NCBP3: variants seen among roughly 807,000 people sequenced by gnomAD.
NCBP3 encodes the protein nuclear cap binding subunit 3.
NCBP3 carries 20 observed loss-of-function variants against 75.7 expected under a neutral mutation model. That is an observed-to-expected ratio of 0.26 (90% CI 0.19 to 0.38). NCBP3 has a LOEUF of 0.38. Among genes scored for constraint, NCBP3 ranks in the 10% least tolerant of loss-of-function variants. The pLI is 1.00. For synonymous variants in NCBP3, 293 were observed against 290.5 expected (o/e 1.01, Z -0.09); for missense variants, 678 against 796.9 (o/e 0.85, Z 1.80).
At position 3,826,082 on chromosome 17, in the gene NCBP3, G is replaced by C; in HGVS notation, c.610+5C>G. ...AGACCCCAGTTCCCTCCTTTGTGTTGTTACCTTTTTTCCTTTTCTCAGCTG... is the reference window on the plus strand; with the variant it reads ...AGACCCCAGTTCCCTCCTTTGTGTTCTTACCTTTTTTCCTTTTCTCAGCTG... On this transcript the variant is annotated splice_donor_5th_base_variant and intron_variant, in intron 5 of 12. Transcript: ENST00000389005. 6.4e-7 allele frequency: 1 copy of C among 1,550,648 alleles called. No individual in the cohort carries two copies. Among genetic ancestry groups the C allele is most frequent in the Non-Finnish European group, 8.7e-7 (1 of 1,146,534 alleles).
Position 3,846,119 on chromosome 17 carries a change from G to A in NCBP3, c.105C>T (p.Gly35=), listed in dbSNP as rs1417629845. ...CCTCCACCTCCATGGGCTCCGGCTC[G>A]CCACGGTCAACACCGGACTCCGCCT... ...SPEAESGVDR[G]EPEPMEVEEG... The change falls in exon 1 of 13, where the codon GGC becomes GGT. Residue 35 remains glycine (G), a synonymous_variant. Coordinates refer to ENST00000389005, the MANE Select transcript of NCBP3 (RefSeq NM_001114118.3). This position sits in a 1 kb window ranked among gnomAD's most constrained non-coding sequence, Gnocchi z 4.6. The A allele has an allele frequency of 6.5e-7, 1 of 1,547,968 alleles. No homozygotes were observed. The highest frequency in any genetic ancestry group is 8.7e-7 in the Non-Finnish European group (1 of 1,145,594).
chr17:3,832,443 ACACG>A (rs2053897313), intron 3 of NCBP3, among the ~76,000 whole-genome samples: 1 of 118,108 alleles, frequency 8.5e-6, no homozygotes, highest in Non-Finnish European at 2.0e-5. Flanking sequence ...ATCCTGGCCA[ACACG>A]GTGAAACCCC....
At chr17:3,845,507 G>A (rs556132280) in intron 1 of NCBP3, among the ~76,000 whole-genome samples, 2 of 152,106 alleles carry the variant, frequency 1.3e-5, no homozygotes, top group African/African-American at 2.4e-5. Context: ...GGAGCTGCGG[G>A]GGGGGCAAGA....
At chr17:3,815,979 G>T in intron 11 of NCBP3, 137 bp downstream of exon 11, 1 of 706,596 alleles carries the variant, frequency 1.4e-6, no homozygotes, top group Non-Finnish European at 2.2e-6. Flanking sequence ...CCAACACCTA[G>T]CCCACAATTT....
chr17:3,814,494 A>C lies in NCBP3; in HGVS notation c.1466-11T>G. On this transcript the variant is annotated splice_polypyrimidine_tract_variant and intron_variant, in intron 11 of 12. Transcript: ENST00000389005. ...ACCGCTGGCGTATATCTGAAAAAAG[A>C]GAAAAAGTGCACCAGTGACCGTGTG... 6.2e-7 allele frequency: 1 copy of C among 1,613,778 alleles called. No individual in the cohort carries two copies. Among genetic ancestry groups the C allele is most frequent in the Non-Finnish European group, 8.5e-7 (1 of 1,179,926 alleles).
chr17:3,814,718 G>C (rs2053496434), intron 11 of NCBP3, among the ~76,000 whole-genome samples: 1 of 151,476 alleles, frequency 6.6e-6, no homozygotes. Context: ...CTATATTTCT[G>C]AAGAAACAAC....
Position 3,816,211 on chromosome 17 carries a change from T to C in NCBP3, c.1370A>G (p.Lys457Arg). The change falls in exon 11 of 13, where the codon AAA (lysine) becomes AGA (arginine). Residue 457 changes from lysine (K) to arginine (R), a missense_variant. Transcript: ENST00000389005. Reference sequence around the variant, plus strand: ...ATCTGCAAATTTCTCAGGTGGTAATTTGTTACCAATTCGGTTTTTGATATT... The same window carrying C: ...ATCTGCAAATTTCTCAGGTGGTAATCTGTTACCAATTCGGTTTTTGATATT... ...SSNIKNRIGN[K>R]LPPEKFADVR... is the part of the protein sequence containing the mutation. The C allele has an allele frequency of 6.2e-7, 1 of 1,614,118 alleles. No individual in the cohort carries two copies. Among genetic ancestry groups the C allele is most frequent in the South Asian group, 1.1e-5 (1 of 91,086 alleles).
intron 3 of NCBP3, among the ~76,000 whole-genome samples, chr17:3,837,717 G>C (rs2053998985): frequency 6.9e-6 from 1 of 145,976 alleles, no homozygotes; most frequent in Non-Finnish European, 1.5e-5. Flanking sequence ...CTGGGTGACA[G>C]AGCAAGCCTC....
chr17:3,826,047 G>A (rs2053777577), intron 5 of NCBP3, 40 bp downstream of exon 5: 2 of 1,538,934 alleles, frequency 1.3e-6, no homozygotes, highest in Non-Finnish European at 1.8e-6. Context: ...GTGTAAAGAA[G>A]AGGACTTTCA....
chr17:3,807,125 G>A lies in NCBP3; in HGVS notation c.*5919C>T, dbSNP rs1452120137. 6.6e-6 allele frequency: 1 copy of A among 152,238 alleles called. No individual in the cohort carries two copies. Among genetic ancestry groups the A allele is most frequent in the Non-Finnish European group, 1.5e-5 (1 of 68,050 alleles). The allele number at this position is 152,238 out of a possible 1,614,324, so 9.4% of individuals were successfully genotyped here. A position where few individuals can be genotyped will look rare whatever the true frequency, so the allele number is the denominator to read the frequency against. On this transcript the variant is annotated 3_prime_UTR_variant, in exon 13 of 13. Coordinates refer to ENST00000389005, the MANE Select transcript of NCBP3 (RefSeq NM_001114118.3). ...TGCTTTAGGCAAAAGAGCCACTGGA[G>A]GAATGAGCTCTGCTCTTTTCACCTG...
rs2053366610 is a variant in NCBP3 at position 3,808,947 on chromosome 17, A to G, written c.*4097T>C. 6.6e-6 allele frequency: 1 copy of G among 152,094 alleles called. No individual in the cohort carries two copies. The highest frequency in any genetic ancestry group is 2.4e-5 in the African/African-American group (1 of 41,396). 9.4% of individuals were successfully genotyped at this position (152,094 alleles called of 1,614,324 possible). On this transcript the variant is annotated 3_prime_UTR_variant, in exon 13 of 13. Coordinates refer to ENST00000389005, the MANE Select transcript of NCBP3 (RefSeq NM_001114118.3). The stretch of plus-strand genomic sequence containing the variant: ...AGAAAGTTCATCCTGAAGCATGTGA[A>G]AAGGTGCCCGACATCATTAGTCATT...
intron 12 of NCBP3, 105 bp from the exon 13 acceptor site, chr17:3,813,384 G>A: frequency 7.3e-7 from 1 of 1,376,748 alleles, no homozygotes; most frequent in Non-Finnish European, 9.9e-7. Context: ...GGAAACGCCA[G>A]CAGTCTGTGG....
chr17:3,821,824 A>G (rs948163312), intron 8 of NCBP3, 129 bp downstream of exon 8: 3 of 668,798 alleles, frequency 4.5e-6, no homozygotes, highest in African/African-American at 3.6e-5. Flanking sequence ...TACCACATCT[A>G]AGAATCTTGA....
chr17:3,814,432 C>A lies in NCBP3; in HGVS notation c.1517G>T (p.Ser506Ile). ...CTCTCTCCGAACGACGGGGTTACTA[C>A]TAAAAGCCTTTTCCGGAGAATGTGG... ...KRPHSPEKAF[S>I]SNPVVRREPS... The change falls in exon 12 of 13, where the codon AGT (serine) becomes ATT (isoleucine). Residue 506 changes from serine (S) to isoleucine (I), a missense_variant. By Grantham distance (142) the Ser-to-Ile change is moderately radical (BLOSUM62 -2). This residue lies in a region of NCBP3 where 365 missense variants were observed against 392.7 expected (regional missense o/e 0.93). Transcript: ENST00000389005. The A allele has an allele frequency of 6.2e-7, 1 of 1,614,214 alleles. No homozygotes were observed. The highest frequency in any genetic ancestry group is 1.1e-5 in the South Asian group (1 of 91,090).
Position 3,818,149 on chromosome 17 carries a change from C to A in NCBP3, c.1310+114G>T. 1 of 902,966 alleles carries A rather than the reference C, an allele frequency of 1.1e-6. No homozygotes were observed. Among genetic ancestry groups the A allele is most frequent in the South Asian group, 2.0e-5 (1 of 50,616 alleles). 55.9% of individuals were successfully genotyped at this position (902,966 alleles called of 1,614,324 possible). A position where few individuals can be genotyped will look rare whatever the true frequency, so the allele number is the denominator to read the frequency against. ...ACTGGATGCGTTTATTAAACTCCTA[C>A]AAGGGACTGAAATCAGAATAGATAA... On this transcript the variant is annotated intron_variant, in intron 10 of 12. Coordinates refer to ENST00000389005, the MANE Select transcript of NCBP3 (RefSeq NM_001114118.3). This position sits in a 1 kb window ranked among gnomAD's most constrained non-coding sequence, Gnocchi z 4.7.
chr17:3,820,799 C>T (rs1043861673), intron 9 of NCBP3, among the ~76,000 whole-genome samples: 7 of 151,952 alleles, frequency 4.6e-5, no homozygotes, highest in Non-Finnish European at 1.5e-5. Context: ...GGCATGGTGG[C>T]GCATGCCTGT....
intron 3 of NCBP3, among the ~76,000 whole-genome samples, chr17:3,839,805 T>C (rs1048468996): frequency 6.6e-6 from 1 of 152,092 alleles, no homozygotes; most frequent in Non-Finnish European, 1.5e-5. Context: ...AGAAAATGAG[T>C]AAGGGTCCTT....
intron 3 of NCBP3, among the ~76,000 whole-genome samples, chr17:3,834,024 C>G (rs912696642): frequency 6.6e-6 from 1 of 152,154 alleles, no homozygotes; most frequent in Non-Finnish European, 1.5e-5. Flanking sequence ...GGCCCTTGGA[C>G]TCAATAAACC....
In NCBP3 at chr17:3,813,487, G is replaced by A. The variant is rs911418349; in HGVS notation, c.1628-208C>T. 3.9e-5 allele frequency among the ~76,000 whole-genome samples: 6 copies of A among 152,194 alleles called. No individual in the cohort carries two copies. In the East Asian group the frequency reaches 9.7e-4, roughly 25 times the overall value. On this transcript the variant is annotated intron_variant, in intron 12 of 12. Transcript: ENST00000389005. ...AAACGGAAGGGTCTGGACCCAGCAC[G>A]GGATTCTCACCGTGGGGGGACAGGT...
Sources: allele counts gnomAD v4.1 joint callset (sites outside exome capture counted in the v4.1 genomes callset), GRCh38; gene constraint gnomAD v4.1.1; regional missense constraint gnomAD v4.1.1; non-coding constraint Gnocchi (gnomAD v3.1); transcripts MANE v1.5; gene names NCBI Gene and HGNC (gene_info 2026-07-23, HGNC 2026-07-21).